The following RBM34 variants were observed in gnomAD, a reference collection of about 807,000 sequenced individuals.
RBM34 encodes the protein RNA binding motif protein 34.
A neutral mutation model predicts 44.6 loss-of-function variants in RBM34; 39 were observed. The observed-to-expected ratio is 0.87, with a 90% CI of 0.68 to 1.14. RBM34 has a LOEUF of 1.14. RBM34 is among the 50% of genes most tolerant of loss of function. RBM34 has a pLI of 0.00. For synonymous variants in RBM34, 194 were observed against 184.0 expected, an observed-to-expected ratio of 1.05 and a Z score of -0.44; for missense variants, 572 against 517.9, an observed-to-expected ratio of 1.10 and a Z score of -1.01.
chr1:235,145,654 G>A (rs1305773184), intron 6 of RBM34, among the ~76,000 whole-genome samples: 3 of 152,282 alleles, frequency 2.0e-5, no homozygotes, highest in East Asian at 1.9e-4. Context: ...CAATCTCTAC[G>A]AGACAGCAGT....
Position 235,131,934 on chromosome 1 carries a change from T to A in RBM34, c.1072A>T (p.Arg358Ter). 6.2e-7 allele frequency: 1 copy of A among 1,612,430 alleles called. No individual in the cohort carries two copies. Among genetic ancestry groups the A allele is most frequent in the South Asian group, 1.1e-5 (1 of 90,902 alleles). The change falls in exon 11 of 11, where the codon AGA (arginine) becomes TGA (stop). Residue 358 changes from arginine (R) to a stop codon, truncating the protein, a stop_gained. Coordinates refer to ENST00000408888, the MANE Select transcript of RBM34 (RefSeq NM_015014.4). LOFTEE classifies it high-confidence loss of function. The part of the protein sequence containing the change: ...NNSELMGRKL[R>*]VMRSVNKEKF... Reference sequence around the variant, plus strand: ...TCTTTATTAACAGAACGCATGACTCTGAGTTTTCTCCCCATGAGTTCAGAA... The same window carrying A: ...TCTTTATTAACAGAACGCATGACTCAGAGTTTTCTCCCCATGAGTTCAGAA...
intron 5 of RBM34, among the ~76,000 whole-genome samples, chr1:235,151,742 C>A (rs981438847): frequency 2.0e-5 from 3 of 152,072 alleles, no homozygotes; most frequent in Non-Finnish European, 4.4e-5. Context: ...CAATTAGAAA[C>A]ATGAAAAAGG....
chr1:235,136,087 A>G lies in RBM34; in HGVS notation c.850-14T>C. ...TCTCTTGTCTCTCTGAAACAAAAAG[A>G]CAGTTAATAAAAATCACTCACTAGA... On this transcript the variant is annotated splice_polypyrimidine_tract_variant and intron_variant, in intron 8 of 10. Transcript: ENST00000408888. 3.1e-6 allele frequency: 5 copies of G among 1,593,328 alleles called. No individual in the cohort carries two copies. Among genetic ancestry groups the G allele is most frequent in the Non-Finnish European group, 4.3e-6 (5 of 1,164,612 alleles).
chr1:235,154,954 T>A lies in RBM34; in HGVS notation c.524A>T (p.Asn175Ile). The change falls in exon 4 of 11, where the codon AAC becomes ATC. Residue 175 changes from asparagine (N) to isoleucine (I), a missense_variant. Physicochemically the swap from Asn to Ile is moderately radical, Grantham distance 149. Coordinates refer to ENST00000408888, the MANE Select transcript of RBM34 (RefSeq NM_015014.4). ...ATTCTTTAATCTCTCTTCTTCTTGG[T>A]TGATTTGAATTTTCTTTCTTTGACT... ...VVSQRKKIQI[N>I]QEEERLKNER... 1 of 1,614,058 alleles carries A rather than the reference T, an allele frequency of 6.2e-7. No individual in the cohort carries two copies. Among genetic ancestry groups the A allele is most frequent in the Admixed American group, 1.7e-5 (1 of 60,000 alleles).
intron 8 of RBM34, among the ~76,000 whole-genome samples, chr1:235,137,288 C>G (rs1661467221): frequency 6.6e-6 from 1 of 152,212 alleles, no homozygotes; most frequent in Admixed American, 6.5e-5. Context: ...AATAATTGAA[C>G]TTTCTAGACC....
intron 6 of RBM34, among the ~76,000 whole-genome samples, chr1:235,140,387 C>T (rs1002847681): frequency 1.3e-5 from 2 of 152,116 alleles, no homozygotes; most frequent in African/African-American, 2.4e-5. Context: ...AGCAGCCGGC[C>T]GGCCCTGCAG....
chr1:235,154,869 A>G lies in RBM34; in HGVS notation c.597+12T>C. The G allele has an allele frequency of 6.2e-7, 1 of 1,600,186 alleles. No individual in the cohort carries two copies. Among genetic ancestry groups the G allele is most frequent in the Non-Finnish European group, 8.6e-7 (1 of 1,167,860 alleles). On this transcript the variant is annotated intron_variant, in intron 4 of 10. Transcript: ENST00000408888. ...ATTAACTTCTCTGAACTTTTACCAT[A>G]TACAAACTCACCTTCTTATTACATG...
rs549883319 is a variant in RBM34, at chr1:235,156,111, G to A, written c.366-999C>T. ...TCTCGAACTCCTGACCTCTTGCTCC[G>A]CCCGCCTCAGCCTCCCAAAGTGTTG... On this transcript the variant is annotated intron_variant, in intron 3 of 10. Coordinates refer to ENST00000408888, the MANE Select transcript of RBM34 (RefSeq NM_015014.4). Among the ~76,000 whole-genome samples, 38 of 149,260 alleles carry A rather than the reference G, an allele frequency of 2.5e-4. No individual in the cohort carries two copies. In the South Asian group the frequency reaches 7.4e-3, roughly 29 times the overall value.
At chr1:235,160,347 G>A (rs970092164) in intron 3 of RBM34, 164 bp downstream of exon 3, 5 of 868,724 alleles carry the variant, frequency 5.8e-6, no homozygotes, top group Non-Finnish European at 9.4e-6. Context: ...CTGAGTACAC[G>A]GGGTTTCTTA....
At chr1:235,138,988 C>G (rs532701480) in intron 6 of RBM34, among the ~76,000 whole-genome samples, 1 of 152,272 alleles carries the variant, frequency 6.6e-6, no homozygotes, top group East Asian at 1.9e-4. Flanking sequence ...AGACATGACC[C>G]CTTTGTCGCG....
chr1:235,132,084 C>T (rs771714083), intron 10 of RBM34, 87 bp from the exon 11 acceptor site: 34 of 1,304,256 alleles, frequency 2.6e-5, no homozygotes, highest in African/African-American at 1.0e-4. Context: ...CAGATGAGAA[C>T]GACTTTCAAG....
At chr1:235,140,087 C>T (rs1466026384) in intron 6 of RBM34, among the ~76,000 whole-genome samples, 2 of 152,238 alleles carry the variant, frequency 1.3e-5, no homozygotes, top group Non-Finnish European at 2.9e-5. Flanking sequence ...GGCACAAAGC[C>T]CCACCTGGAT....
At chr1:235,155,840 T>TACACATAC (rs1441514352) in intron 3 of RBM34, among the ~76,000 whole-genome samples, 2 of 25,618 alleles carry the variant, frequency 7.8e-5, no homozygotes, top group African/African-American at 3.6e-4. Context: ...TATATATATA[T>TACACATAC]ATATATATAT....
At chr1:235,132,019 A>T in intron 10 of RBM34, 22 bp from the exon 11 acceptor site, 2 of 1,547,978 alleles carry the variant, frequency 1.3e-6, no homozygotes, top group Middle Eastern at 4.2e-4. Flanking sequence ...AACACAATAC[A>T]TTAATTGCTA....
intron 6 of RBM34, among the ~76,000 whole-genome samples, chr1:235,139,774 G>A (rs577339886): frequency 6.6e-6 from 1 of 152,322 alleles, no homozygotes; most frequent in African/African-American, 2.4e-5. Context: ...AGAAGCTAAG[G>A]ACAGGCCTGC....
chr1:235,145,728 G>A (rs768480560), intron 6 of RBM34, among the ~76,000 whole-genome samples: 6 of 152,294 alleles, frequency 3.9e-5, no homozygotes, highest in Admixed American at 6.5e-5. Flanking sequence ...TTATCCTACA[G>A]ATAAGTTTAG....
At chr1:235,152,787 C>T in intron 4 of RBM34, 22 bp from the exon 5 acceptor site, 2 of 1,510,642 alleles carry the variant, frequency 1.3e-6, no homozygotes, top group Non-Finnish European at 1.8e-6. Flanking sequence ...AAAAAAAATA[C>T]ACATTAGCTG....
At position 235,131,998 on chromosome 1, in the gene RBM34, C is replaced by T. The variant is rs756612662; in HGVS notation, c.1009-1G>A. ...GAGCAAGATGAACAGAATCTGTATT[C>T]TGCAAAAGAAAACACAATACATTAA... On this transcript the variant is annotated splice_acceptor_variant, in intron 10 of 10. Coordinates refer to ENST00000408888, the MANE Select transcript of RBM34 (RefSeq NM_015014.4). LOFTEE classifies it high-confidence loss of function. 6.3e-7 allele frequency: 1 copy of T among 1,578,086 alleles called. No homozygotes were observed. Among genetic ancestry groups the T allele is most frequent in the Non-Finnish European group, 8.6e-7 (1 of 1,163,378 alleles).
chr1:235,145,370 C>T (rs745810372), intron 6 of RBM34, among the ~76,000 whole-genome samples: 26 of 151,850 alleles, frequency 1.7e-4, no homozygotes, highest in South Asian at 4.2e-4. Context: ...CTCCATTCTC[C>T]GGGCTCAAGT....
Sources: allele counts gnomAD v4.1 joint callset (sites outside exome capture counted in the v4.1 genomes callset), GRCh38; gene constraint gnomAD v4.1.1; transcripts MANE v1.5; gene names NCBI Gene and HGNC (gene_info 2026-07-23, HGNC 2026-07-21).